The following ANKS1B variants were observed in gnomAD, a reference collection of about 807,000 sequenced individuals.
ANKS1B encodes ankyrin repeat and sterile alpha motif domain-containing protein 1B.
A neutral mutation model predicts 148.3 loss-of-function variants in ANKS1B; 36 were observed. The observed-to-expected ratio is 0.24, with a 90% CI of 0.19 to 0.32. The LOEUF (loss-of-function observed/expected upper bound fraction) is 0.32. ANKS1B is among the 10% of genes least tolerant of loss of function. The pLI is 1.00. For missense variants in ANKS1B, 1,157 were observed against 1,542.6 expected (o/e 0.75, Z 4.19); for synonymous variants, 542 against 560.8 (o/e 0.97, Z 0.47).
At chr12:99,579,523 T>G (rs1160708044) in intron 9 of ANKS1B, among the ~76,000 whole-genome samples, 4 of 151,808 alleles carry the variant, frequency 2.6e-5, no homozygotes, top group Non-Finnish European at 5.9e-5. Context: ...ATAACCCCAT[T>G]AAAAAGTGGG....
At chr12:98,774,807 AAAATT>A (rs1329683583) in intron 24 of ANKS1B, among the ~76,000 whole-genome samples, 2 of 152,332 alleles carry the variant, frequency 1.3e-5, no homozygotes, top group African/African-American at 4.8e-5. Flanking sequence ...CTCACAAAAG[AAAATT>A]AAATTAAGAC....
chr12:99,457,020 G>A (rs1184934930), intron 10 of ANKS1B, among the ~76,000 whole-genome samples: 2 of 152,106 alleles, frequency 1.3e-5, no homozygotes, highest in African/African-American at 2.4e-5. Flanking sequence ...AAAAGCATCA[G>A]ATAACCTATA....
rs190901942 is a variant in ANKS1B at position 99,407,994 on chromosome 12, A to C, written c.1576-8183T>G. Among the ~76,000 whole-genome samples the C allele has an allele frequency of 2.7e-5, 4 of 146,356 alleles. 2 individuals carry two copies. Among genetic ancestry groups the C allele is most frequent in the Admixed American group, 1.4e-4 (2 of 14,756 alleles). The stretch of plus-strand genomic sequence containing the variant: ...GATATTCTTCACAGAAATGGAAAAA[A>C]CAATCCTAAAATGTATATGGAACCA... On this transcript the variant is annotated intron_variant, in intron 11 of 26. Coordinates refer to ENST00000683438, the MANE Select transcript of ANKS1B (RefSeq NM_001352186.2).
chr12:99,165,424 G>A lies in ANKS1B; in HGVS notation c.2420-11029C>T, dbSNP rs573659681. On this transcript the variant is annotated intron_variant, in intron 14 of 26. Coordinates refer to ENST00000683438, the MANE Select transcript of ANKS1B (RefSeq NM_001352186.2). The stretch of plus-strand genomic sequence containing the variant: ...GGAGAATAAAGAAGTAATCAATACC[G>A]GGAATGAGAGAAGTGACAGCAAAAG... 1.8e-4 allele frequency among the ~76,000 whole-genome samples: 28 copies of A among 151,886 alleles called. No homozygotes were observed. In the South Asian group the frequency reaches 3.7e-3, roughly 20 times the overall value.
chr12:99,501,875 T>G (rs1453339267), intron 10 of ANKS1B, among the ~76,000 whole-genome samples: 1 of 152,192 alleles, frequency 6.6e-6, no homozygotes, highest in African/African-American at 2.4e-5. Flanking sequence ...ATTCCTAATT[T>G]AGATGTGATT....
chr12:99,407,435 C>T (rs2094558269), intron 11 of ANKS1B, among the ~76,000 whole-genome samples: 1 of 145,616 alleles, frequency 6.9e-6, no homozygotes, highest in Non-Finnish European at 1.5e-5. Context: ...AAACTGAAAG[C>T]CTTTCCTCTA....
Position 98,751,125 on chromosome 12 carries a change from G to A in ANKS1B, c.3747+230C>T, listed in dbSNP as rs934618093. On this transcript the variant is annotated intron_variant, in intron 26 of 26. Transcript: ENST00000683438. The surrounding 1 kb of genome is among the most constrained non-coding windows in gnomAD (Gnocchi z 4.3). ...GACCCTTCATAGGGTTGCTGCAGGTGACTGAGAAAGTGGATTTCTCTGGAG... is the reference window on the plus strand; with the variant it reads ...GACCCTTCATAGGGTTGCTGCAGGTAACTGAGAAAGTGGATTTCTCTGGAG... Among the ~76,000 whole-genome samples the A allele has an allele frequency of 2.0e-5, 3 of 152,212 alleles. No individual in the cohort carries two copies. The highest frequency in any genetic ancestry group is 2.0e-4 in the Admixed American group (3 of 15,286).
intron 16 of ANKS1B, among the ~76,000 whole-genome samples, chr12:99,055,117 G>C (rs995600565): frequency 3.9e-4 from 60 of 152,324 alleles, no homozygotes; most frequent in African/African-American, 1.4e-3. Flanking sequence ...CCAAAAGGGA[G>C]GCTCATAGAT....
chr12:99,682,508 T>C (rs183794950), intron 8 of ANKS1B, among the ~76,000 whole-genome samples: 171 of 152,290 alleles, frequency 1.1e-3, no homozygotes, highest in Non-Finnish European at 1.9e-3. Flanking sequence ...TGAATAATCA[T>C]TGGGTCAACA....
At chr12:99,554,690 T>C (rs901352584) in intron 9 of ANKS1B, among the ~76,000 whole-genome samples, 4 of 152,156 alleles carry the variant, frequency 2.6e-5, no homozygotes, top group Non-Finnish European at 5.9e-5. Context: ...ATTGGAATTA[T>C]TTGTTTTTGT....
At chr12:99,060,190 T>C (rs985247530) in intron 16 of ANKS1B, among the ~76,000 whole-genome samples, 2 of 99,744 alleles carry the variant, frequency 2.0e-5, no homozygotes, top group South Asian at 3.0e-4. Context: ...AATTGAGATA[T>C]ATTAACATAT....
intron 17 of ANKS1B, among the ~76,000 whole-genome samples, chr12:98,937,586 A>C (rs78276631): frequency 0.07 from 10,646 of 152,096 alleles, 394 homozygotes; most frequent in African/African-American, 0.082. Context: ...TCAGCAAAGG[A>C]GTTATCTCCT....
At chr12:98,786,511 G>A (rs751057573) in intron 22 of ANKS1B, among the ~76,000 whole-genome samples, 1 of 151,966 alleles carries the variant, frequency 6.6e-6, no homozygotes, top group Non-Finnish European at 1.5e-5. Flanking sequence ...AATTATGAAC[G>A]GCTTGGTATC....
chr12:99,073,986 C>T (rs2047048359), intron 16 of ANKS1B, among the ~76,000 whole-genome samples: 3 of 152,100 alleles, frequency 2.0e-5, no homozygotes, highest in Non-Finnish European at 4.4e-5. Flanking sequence ...TGAAATGACT[C>T]CAGTGAGAGG....
intron 1 of ANKS1B, among the ~76,000 whole-genome samples, chr12:99,832,705 C>CAG (rs902985025): frequency 2.0e-5 from 3 of 147,924 alleles, no homozygotes; most frequent in African/African-American, 7.6e-5. Context: ...GCCTGGATGA[C>CAG]AGAGAGAGAC....
At chr12:99,772,283 G>A (rs927465175) in intron 8 of ANKS1B, among the ~76,000 whole-genome samples, 2 of 151,936 alleles carry the variant, frequency 1.3e-5, no homozygotes, top group African/African-American at 4.8e-5. Flanking sequence ...CTAATAAATA[G>A]AAATACTTGC....
At chr12:99,704,121 T>C (rs2055328696) in intron 8 of ANKS1B, among the ~76,000 whole-genome samples, 1 of 152,084 alleles carries the variant, frequency 6.6e-6, no homozygotes, top group Admixed American at 6.5e-5. Flanking sequence ...GATACCAAAA[T>C]AGATGTATAA....
At chr12:98,906,275 A>G (rs947122019) in intron 17 of ANKS1B, among the ~76,000 whole-genome samples, 2 of 152,158 alleles carry the variant, frequency 1.3e-5, no homozygotes, top group African/African-American at 4.8e-5. Context: ...CAGGTCTGCT[A>G]TATTGAAATG....
chr12:99,712,333 T>C (rs978912707), intron 8 of ANKS1B, among the ~76,000 whole-genome samples: 1 of 152,188 alleles, frequency 6.6e-6, no homozygotes, highest in Admixed American at 6.5e-5. Context: ...AACCAGAACC[T>C]GTGAATATTT....
Sources: allele counts gnomAD v4.1 joint callset (sites outside exome capture counted in the v4.1 genomes callset), GRCh38; gene constraint gnomAD v4.1.1; non-coding constraint Gnocchi (gnomAD v3.1); transcripts MANE v1.5; gene names NCBI Gene and HGNC (gene_info 2026-07-23, HGNC 2026-07-21).